Variants in CEP128 observed in about 807,000 individuals in gnomAD.
CEP128 encodes the protein centrosomal protein 128kDa.
A neutral mutation model predicts 156.7 loss-of-function variants in CEP128; 132 were observed. The ratio of observed to expected loss-of-function variants is 0.84; its 90% CI spans 0.73 to 0.97. The LOEUF (loss-of-function observed/expected upper bound fraction) is 0.97, where lower values mean the gene tolerates loss of function less well. Ranked by LOEUF, CEP128 falls within the 50% of genes least tolerant of loss-of-function variation. CEP128 has a pLI of 0.00. For synonymous variants in CEP128, 469 were observed against 448.9 expected, an observed-to-expected ratio of 1.04 and a Z score of -0.57; for missense variants, 1,252 against 1,281.9, an observed-to-expected ratio of 0.98 and a Z score of 0.36.
At chr14:80,758,727 TA>T (rs1167751694) in intron 17 of CEP128, among the ~76,000 whole-genome samples, 2 of 152,100 alleles carry the variant, frequency 1.3e-5, no homozygotes, top group Admixed American at 6.6e-5. Flanking sequence ...AACATGTTAC[TA>T]AAAGAGGCAA....
intron 19 of CEP128, among the ~76,000 whole-genome samples, chr14:80,671,113 T>C (rs1895822916): frequency 6.6e-6 from 1 of 152,132 alleles, no homozygotes; most frequent in Non-Finnish European, 1.5e-5. Flanking sequence ...TGTAGATAAG[T>C]AGATCAAACA....
intron 11 of CEP128, among the ~76,000 whole-genome samples, chr14:80,837,624 G>A (rs1886148829): frequency 6.6e-6 from 1 of 152,228 alleles, no homozygotes. Context: ...GCTGAGGCAG[G>A]AGAATCGCTT....
intron 19 of CEP128, among the ~76,000 whole-genome samples, chr14:80,700,868 C>T (rs1233407239): frequency 1.3e-5 from 2 of 152,090 alleles, no homozygotes; most frequent in Non-Finnish European, 2.9e-5. Flanking sequence ...AAGAGACAAG[C>T]TTGTTTAACT....
downstream of CEP128, among the ~76,000 whole-genome samples, chr14:80,486,333 G>T (rs2140152785): frequency 6.6e-6 from 1 of 152,160 alleles, no homozygotes; most frequent in Middle Eastern, 3.4e-3. Context: ...AAAATAAAAA[G>T]AAACAAACAA....
At chr14:80,812,528 A>G (rs1884616001) in intron 13 of CEP128, among the ~76,000 whole-genome samples, 2 of 152,206 alleles carry the variant, frequency 1.3e-5, no homozygotes, top group Admixed American at 6.5e-5. Flanking sequence ...TCAGCAATGG[A>G]TAAGCGTTCC....
chr14:80,653,884 T>TA (rs1325215125), intron 19 of CEP128, among the ~76,000 whole-genome samples: 2 of 152,166 alleles, frequency 1.3e-5, no homozygotes, highest in Non-Finnish European at 2.9e-5. Flanking sequence ...AATATAGTAC[T>TA]AAAAGATTAT....
At chr14:80,893,626 A>G (rs1195289890) in intron 8 of CEP128, among the ~76,000 whole-genome samples, 13 of 152,022 alleles carry the variant, frequency 8.6e-5, no homozygotes, top group Admixed American at 8.5e-4. Flanking sequence ...AAATGCACAA[A>G]ATAAAATTTA....
intron 23 of CEP128, among the ~76,000 whole-genome samples, chr14:80,522,137 T>C (rs1217982028): frequency 6.6e-6 from 1 of 152,200 alleles, no homozygotes; most frequent in African/African-American, 2.4e-5. Flanking sequence ...TAGTGATATA[T>C]ATTTACAGTC....
intron 8 of CEP128, among the ~76,000 whole-genome samples, chr14:80,874,482 G>T (rs1888183108): frequency 6.7e-6 from 1 of 150,002 alleles, no homozygotes; most frequent in East Asian, 1.9e-4. Context: ...AAAAAAAAAA[G>T]AAAGAAAGGA....
At chr14:80,568,774 G>A (rs1370769671) in intron 20 of CEP128, among the ~76,000 whole-genome samples, 1 of 151,888 alleles carries the variant, frequency 6.6e-6, no homozygotes, top group African/African-American at 2.4e-5. Flanking sequence ...GATTATCATT[G>A]GTACACTCTT....
chr14:80,945,857 T>A (rs1486728042), upstream of CEP128: 2 of 152,246 alleles, frequency 1.3e-5, no homozygotes, highest in African/African-American at 4.8e-5. Context: ...ACAGCCCCCG[T>A]TCCTGACAAC....
chr14:80,698,749 C>A (rs572892427), intron 19 of CEP128, among the ~76,000 whole-genome samples: 1 of 151,878 alleles, frequency 6.6e-6, no homozygotes, highest in Admixed American at 6.6e-5. Flanking sequence ...TAAATTTAGA[C>A]CTATCTATAT....
At chr14:80,790,165 G>A (rs1333002118) in intron 14 of CEP128, among the ~76,000 whole-genome samples, 2 of 151,566 alleles carry the variant, frequency 1.3e-5, no homozygotes. Flanking sequence ...ATACTATCAA[G>A]CAAAAAGCTC....
At chr14:80,683,394 GGCTCC>G (rs1896399525) in intron 19 of CEP128, among the ~76,000 whole-genome samples, 1 of 151,750 alleles carries the variant, frequency 6.6e-6, no homozygotes, top group African/African-American at 2.4e-5. Flanking sequence ...AAAGACAAAG[GGCTCC>G]ATCCAACAAG....
At chr14:80,883,633 G>C (rs1297132508) in intron 8 of CEP128, among the ~76,000 whole-genome samples, 1 of 152,034 alleles carries the variant, frequency 6.6e-6, no homozygotes, top group Non-Finnish European at 1.5e-5. Context: ...TAATAGACTA[G>C]AAGAATCAAT....
chr14:80,489,583 C>CA (rs1023640316), downstream of CEP128, among the ~76,000 whole-genome samples: 47 of 152,290 alleles, frequency 3.1e-4, no homozygotes, highest in African/African-American at 1.1e-3. Flanking sequence ...GCCTCAGTAT[C>CA]ATGATTTGGC....
At chr14:80,495,151 T>C (rs1887449919), downstream of CEP128, among the ~76,000 whole-genome samples, 1 of 152,206 alleles carries the variant, frequency 6.6e-6, no homozygotes, top group Non-Finnish European at 1.5e-5. Context: ...GTCCCAGTGC[T>C]ACAAGCAATA....
At chr14:80,928,557 G>A (rs989213745) in intron 2 of CEP128, among the ~76,000 whole-genome samples, 33 of 152,128 alleles carry the variant, frequency 2.2e-4, no homozygotes, top group African/African-American at 6.7e-4. Context: ...TTCAGAGCTC[G>A]AAAACAAGGC....
At chr14:80,841,302 A>G (rs1174409402) in intron 9 of CEP128, among the ~76,000 whole-genome samples, 1 of 152,106 alleles carries the variant, frequency 6.6e-6, no homozygotes, top group African/African-American at 2.4e-5. Context: ...TAAAGTCCAT[A>G]CAGCTTGTGA....
Sources: allele counts gnomAD v4.1 joint callset (sites outside exome capture counted in the v4.1 genomes callset), GRCh38; gene constraint gnomAD v4.1.1; transcripts MANE v1.5; gene names NCBI Gene and HGNC (gene_info 2026-07-23, HGNC 2026-07-21).